SDK1: variants seen among roughly 807,000 people sequenced by gnomAD.
SDK1 encodes the protein sidekick cell adhesion molecule 1, also known as protein sidekick-1.
SDK1 carries 157 observed loss-of-function variants against 245.5 expected under a neutral mutation model. The ratio of observed to expected loss-of-function variants is 0.64; its 90% confidence interval spans 0.56 to 0.73. SDK1 has a LOEUF of 0.73. SDK1 is among the 30% of genes least tolerant of loss of function. The pLI, the probability that SDK1 is intolerant of heterozygous loss-of-function variation, is 0.00. For synonymous variants in SDK1, 1,647 were observed against 1,278.5 expected, an observed-to-expected ratio of 1.29 and a Z score of -6.15; for missense variants, 3,583 against 3,002.3, an observed-to-expected ratio of 1.19 and a Z score of -4.52.
At position 3,308,983 on chromosome 7, in the gene SDK1, T is replaced by C. The variant is rs185699456; in HGVS notation, c.298+7099T>C. ...GGTAGTTGCCTTTATTAAGAATAGT[T>C]GGTAGCAGGAATTTTAGCAACCCAA... On this transcript the variant is annotated intron_variant, in intron 1 of 44. Transcript: ENST00000404826. Among the ~76,000 whole-genome samples the C allele has an allele frequency of 3.2e-3, 493 of 152,264 alleles. 1 individual carries two copies. Among genetic ancestry groups the C allele is most frequent in the African/African-American group, 0.011 (463 of 41,548 alleles).
chr7:3,893,603 C>A (rs887620585), intron 5 of SDK1, among the ~76,000 whole-genome samples: 3 of 151,828 alleles, frequency 2.0e-5, no homozygotes, highest in Non-Finnish European at 4.4e-5. Context: ...CAATCCTCCC[C>A]CGTCTAGCTG....
At chr7:3,739,263 G>T (rs961837334) in intron 4 of SDK1, among the ~76,000 whole-genome samples, 2 of 152,058 alleles carry the variant, frequency 1.3e-5, no homozygotes, top group Admixed American at 1.3e-4. Flanking sequence ...ATGTAGCTGG[G>T]TGTTGATATC....
Position 4,135,772 on chromosome 7 carries a change from G to A in SDK1, c.4228+3349G>A, listed in dbSNP as rs192196015. Among the ~76,000 whole-genome samples the A allele has an allele frequency of 3.9e-5, 6 of 152,314 alleles. No homozygotes were observed. The South Asian group carries it at 8.3e-4, about 21-fold the overall frequency. On this transcript the variant is annotated intron_variant, in intron 28 of 44. Coordinates refer to ENST00000404826, the MANE Select transcript of SDK1 (RefSeq NM_152744.4). Reference sequence around the variant, plus strand: ...GCCACATAGTGAGTGCTGAGTAAACGTTAGCTTCCGTATCAGATCGAATAT... The same window carrying A: ...GCCACATAGTGAGTGCTGAGTAAACATTAGCTTCCGTATCAGATCGAATAT...
At chr7:4,034,589 C>T (rs995116408) in intron 17 of SDK1, among the ~76,000 whole-genome samples, 1 of 151,984 alleles carries the variant, frequency 6.6e-6, no homozygotes, top group African/African-American at 2.4e-5. Context: ...AAAACACAAA[C>T]TGATGCAGCC....
At chr7:3,352,897 C>A (rs139933447) in intron 1 of SDK1, among the ~76,000 whole-genome samples, 1 of 151,854 alleles carries the variant, frequency 6.6e-6, no homozygotes, top group Non-Finnish European at 1.5e-5. Context: ...GGAACAGGCA[C>A]CAGGTTGAAG....
chr7:3,311,305 A>C (rs775566364), intron 1 of SDK1, among the ~76,000 whole-genome samples: 2 of 152,118 alleles, frequency 1.3e-5, no homozygotes. Context: ...TTGCTTAGAG[A>C]GGTAAATAGA....
intron 35 of SDK1, among the ~76,000 whole-genome samples, chr7:4,201,807 T>G (rs1783902002): frequency 6.6e-6 from 1 of 150,582 alleles, no homozygotes. Context: ...CAGGGAGGCT[T>G]TGGCAACAGC....
chr7:4,167,397 G>A (rs571008585), intron 32 of SDK1, among the ~76,000 whole-genome samples: 14 of 147,864 alleles, frequency 9.5e-5, no homozygotes, highest in Middle Eastern at 3.4e-3. Flanking sequence ...GCAAGACTCC[G>A]TCTTGAAAAA....
intron 1 of SDK1, among the ~76,000 whole-genome samples, chr7:3,603,713 C>T (rs1461976996): frequency 1.3e-5 from 2 of 152,144 alleles, no homozygotes; most frequent in Non-Finnish European, 2.9e-5. Context: ...GAACTTCCAA[C>T]ACTATGTTGA....
intron 1 of SDK1, among the ~76,000 whole-genome samples, chr7:3,520,919 C>T (rs1199110759): frequency 2.0e-5 from 3 of 152,194 alleles, no homozygotes; most frequent in South Asian, 4.1e-4. Flanking sequence ...TTTATCATTT[C>T]CCAGTTTTGT....
intron 44 of SDK1, among the ~76,000 whole-genome samples, chr7:4,259,525 C>T (rs757268281): frequency 6.6e-6 from 1 of 152,142 alleles, no homozygotes; most frequent in Non-Finnish European, 1.5e-5. Context: ...TTTAAGAATC[C>T]AGTGTTTCTC....
intron 41 of SDK1, among the ~76,000 whole-genome samples, chr7:4,234,215 G>A (rs747214290): frequency 3.3e-5 from 5 of 152,202 alleles, no homozygotes; most frequent in Non-Finnish European, 5.9e-5. Context: ...TGAGGATGGC[G>A]TGCAGGTGAA....
rs183632563 is a variant in SDK1 at position 3,623,953 on chromosome 7, G to A, written c.458+4714G>A. On this transcript the variant is annotated intron_variant, in intron 2 of 44. Transcript: ENST00000404826. ...CCAGGGAAAATAAGAATGGTTAAGGGAAAGGTTATTTTTTTCTTTTGTTTT... is the reference window on the plus strand; with the variant it reads ...CCAGGGAAAATAAGAATGGTTAAGGAAAAGGTTATTTTTTTCTTTTGTTTT... Among the ~76,000 whole-genome samples, 372 of 152,260 alleles carry A rather than the reference G, an allele frequency of 2.4e-3. 3 individuals carry two copies. Among genetic ancestry groups the A allele is most frequent in the South Asian group, 0.018 (85 of 4,824 alleles).
At chr7:3,763,231 C>G (rs1780158536) in intron 4 of SDK1, among the ~76,000 whole-genome samples, 1 of 151,964 alleles carries the variant, frequency 6.6e-6, no homozygotes, top group South Asian at 2.1e-4. Context: ...TTTTTCTAAT[C>G]TTAGTACTTT....
rs181484615 is a variant in SDK1 at position 4,252,020 on chromosome 7, C to G, written c.6381+6215C>G. Among the ~76,000 whole-genome samples, 306 of 152,312 alleles carry G rather than the reference C, an allele frequency of 2.0e-3. 4 individuals are homozygous for G. The highest frequency in any genetic ancestry group is 6.7e-3 in the African/African-American group (280 of 41,562). On this transcript the variant is annotated intron_variant, in intron 44 of 44. Coordinates refer to ENST00000404826, the MANE Select transcript of SDK1 (RefSeq NM_152744.4). ...TGGATGTTAAACCAACCTTGCATTC[C>G]TGCAATAAATGCCCATTGTTCATAG...
intron 35 of SDK1, among the ~76,000 whole-genome samples, chr7:4,198,389 C>G (rs1462081524): frequency 2.6e-5 from 4 of 152,212 alleles, no homozygotes; most frequent in African/African-American, 9.7e-5. Context: ...TTGAATTCTG[C>G]CCCAGGGCTC....
At chr7:3,508,416 C>T (rs138977274) in intron 1 of SDK1, among the ~76,000 whole-genome samples, 34 of 151,162 alleles carry the variant, frequency 2.2e-4, no homozygotes, top group African/African-American at 7.8e-4. Context: ...TAACCTCTAC[C>T]TCCTCGGTTC....
At chr7:3,676,758 C>T (rs1783916617) in intron 4 of SDK1, among the ~76,000 whole-genome samples, 1 of 152,206 alleles carries the variant, frequency 6.6e-6, no homozygotes, top group Admixed American at 6.5e-5. Flanking sequence ...ATCCTAGCAA[C>T]ATTTATTGAA....
At chr7:3,645,568 C>A (rs1705894362) in intron 4 of SDK1, among the ~76,000 whole-genome samples, 1 of 151,936 alleles carries the variant, frequency 6.6e-6, no homozygotes, top group African/African-American at 2.4e-5. Context: ...TCACATGTAC[C>A]CTGAAACTAT....
Sources: gnomAD v4.1 joint callset for allele counts (sites outside exome capture counted in the v4.1 genomes callset) on GRCh38, gnomAD v4.1.1 for gene constraint, MANE v1.5 for transcripts, NCBI Gene and HGNC (gene_info 2026-07-23, HGNC 2026-07-21) for gene names.